The following DNMT3A variants were observed in gnomAD, a reference collection of about 807,000 sequenced individuals.
The protein encoded by DNMT3A is DNA (cytosine-5)-methyltransferase 3A.
In DNMT3A, 267 loss-of-function variants were observed where a neutral mutation model predicts 117.6. The observed-to-expected ratio is 2.27, with a 90% CI of 2.05 to 2.51. The LOEUF (loss-of-function observed/expected upper bound fraction) is 2.51, where lower values mean the gene tolerates loss of function less well. Ranked by LOEUF, DNMT3A falls within the 30% of genes most tolerant of loss-of-function variation. DNMT3A has a pLI of 0.00. For missense variants in DNMT3A, 1,029 were observed against 1,260.2 expected (o/e 0.82, Z 2.78); for synonymous variants, 432 against 474.8 (o/e 0.91, Z 1.17).
intron 4 of DNMT3A, among the ~76,000 whole-genome samples, chr2:25,279,711 G>C (rs2031740250): frequency 6.6e-6 from 1 of 151,462 alleles, no homozygotes; most frequent in Non-Finnish European, 1.5e-5. Flanking sequence ...TTTTGAGATG[G>C]AGTCTCACTC....
chr2:25,240,473 C>A, intron 18 of DNMT3A, 23 bp from the exon 19 acceptor site: 1 of 1,593,044 alleles, frequency 6.3e-7, no homozygotes, highest in Non-Finnish European at 8.5e-7. Context: ...AAGAGAAAGC[C>A]ATCAGCTGGG....
At chr2:25,341,168 G>A (rs1310882255) in intron 1 of DNMT3A, among the ~76,000 whole-genome samples, 1 of 144,614 alleles carries the variant, frequency 6.9e-6, no homozygotes, top group African/African-American at 2.5e-5. Context: ...GCCCCCGGGG[G>A]CCTCCCGGGT....
intron 1 of DNMT3A, among the ~76,000 whole-genome samples, chr2:25,329,676 CA>C (rs1558746473): frequency 0.13 from 4,330 of 33,306 alleles, 284 homozygotes; most frequent in African/African-American, 0.21. Flanking sequence ...GCAGACCCCA[CA>C]CACACACACA....
At chr2:25,328,589 C>T (rs190660043) in intron 1 of DNMT3A, 426 of 475,198 alleles carry the variant, frequency 9.0e-4, no homozygotes, top group African/African-American at 2.4e-3. Flanking sequence ...CCGTCCCCCC[C>T]GCCCACAGCT....
chr2:25,329,201 T>C (rs4517932), intron 1 of DNMT3A, among the ~76,000 whole-genome samples: 63,780 of 151,988 alleles, frequency 0.42, 13,626 homozygotes, highest in African/African-American at 0.44. Flanking sequence ...CCCAGGGTTC[T>C]GAGCAGCACA....
chr2:25,246,773 C>T lies in DNMT3A; in HGVS notation c.1126G>A (p.Ala376Thr), dbSNP rs1446942650. 1 of 1,613,142 alleles carries T rather than the reference C, an allele frequency of 6.2e-7. No individual in the cohort carries two copies. Among genetic ancestry groups the T allele is most frequent in the East Asian group, 2.2e-5 (1 of 44,884 alleles). ...AACAGCTTCCCCGCGCGGCTGCTGGCCACCTGGAGGGTGACACGCCAGGGT... is the reference window on the plus strand; with the variant it reads ...AACAGCTTCCCCGCGCGGCTGCTGGTCACCTGGAGGGTGACACGCCAGGGT... ...RKAIYEVLQV[A>T]SSRAGKLFPV... Residue 376 changes from alanine to threonine, a missense_variant, in exon 10 of 23, where the codon GCC (alanine) becomes ACC (threonine). Ala to Thr is a moderately conservative substitution (Grantham distance 58). Coordinates refer to ENST00000321117, the MANE Select transcript of DNMT3A (RefSeq NM_022552.5).
In DNMT3A at chr2:25,236,919, T is replaced by C. The variant is rs1673429375; in HGVS notation, c.2478+17A>G. On this transcript the variant is annotated intron_variant, in intron 21 of 22. Transcript: ENST00000321117. The surrounding 1 kb of genome is among the most constrained non-coding windows in gnomAD (Gnocchi z 4.5). ...TCTCCCTGCCCCCCAGCAGAGGTTC[T>C]AGACGCTGGAGCTGACCTTGGCTAT... 6.2e-7 allele frequency: 1 copy of C among 1,609,038 alleles called. No homozygotes were observed. Among genetic ancestry groups the C allele is most frequent in the Non-Finnish European group, 8.5e-7 (1 of 1,177,954 alleles).
intron 3 of DNMT3A, among the ~76,000 whole-genome samples, chr2:25,299,764 C>G (rs2033322652): frequency 6.6e-6 from 1 of 152,130 alleles, no homozygotes; most frequent in African/African-American, 2.4e-5. Context: ...AATCTCGCCT[C>G]TACTAAAAAT....
chr2:25,274,665 C>A (rs947556626), intron 6 of DNMT3A, among the ~76,000 whole-genome samples: 1 of 152,202 alleles, frequency 6.6e-6, no homozygotes, highest in Non-Finnish European at 1.5e-5. Context: ...CTATTTCAGC[C>A]CCTTGTTTCT....
At chr2:25,244,360 A>C (rs1011041025) in intron 14 of DNMT3A, 22 bp from the exon 15 acceptor site, 1 of 1,588,786 alleles carries the variant, frequency 6.3e-7, no homozygotes, top group Non-Finnish European at 8.6e-7. Context: ...CCCAGTGAGC[A>C]GAGGAGACTC....
intron 16 of DNMT3A, among the ~76,000 whole-genome samples, chr2:25,243,623 C>G (rs574909247): frequency 6.6e-6 from 1 of 152,242 alleles, no homozygotes; most frequent in Non-Finnish European, 1.5e-5. Flanking sequence ...GTGAATCTGA[C>G]TAATGATCAC....
At chr2:25,246,097 G>A (rs2149299011) in intron 11 of DNMT3A, 33 bp from the exon 12 acceptor site, 5 of 1,614,188 alleles carry the variant, frequency 3.1e-6, no homozygotes, top group Non-Finnish European at 4.2e-6. Flanking sequence ...GTCAGAGGAG[G>A]CCGCGCCTGC....
At chr2:25,300,717 ATAT>A (rs1346292579) in intron 2 of DNMT3A, among the ~76,000 whole-genome samples, 2 of 3,882 alleles carry the variant, frequency 5.2e-4, no homozygotes, top group Admixed American at 3.5e-3. Flanking sequence ...AATATAATAT[ATAT>A]ATATATATAT....
Position 25,282,764 on chromosome 2 carries a change from C to T in DNMT3A, c.178-53G>A. The T allele has an allele frequency of 6.7e-7, 1 of 1,490,908 alleles. No homozygotes were observed. Among genetic ancestry groups the T allele is most frequent in the Admixed American group, 2.5e-5 (1 of 40,608 alleles). The allele number at this position is 1,490,908 out of a possible 1,614,324, so 92.4% of individuals were successfully genotyped here. On this transcript the variant is annotated intron_variant, in intron 3 of 22. Transcript: ENST00000321117. This position sits in a 1 kb window ranked among gnomAD's most constrained non-coding sequence, Gnocchi z 5.2. ...GGAGGGTTAGATCAGTGGGCTTAGC[C>T]TGTTTTGGATCATTGACCGCTCTGA...
chr2:25,307,337 T>C (rs2033834974), intron 2 of DNMT3A, among the ~76,000 whole-genome samples: 1 of 151,718 alleles, frequency 6.6e-6, no homozygotes, highest in Admixed American at 6.6e-5. Flanking sequence ...CTATTCTTTT[T>C]CTTTTTTTTT....
chr2:25,270,309 T>C (rs941031070), intron 6 of DNMT3A, among the ~76,000 whole-genome samples: 2 of 152,196 alleles, frequency 1.3e-5, no homozygotes, highest in African/African-American at 4.8e-5. Flanking sequence ...CCAGGCAGCA[T>C]TCGTCTACGC....
chr2:25,264,454 T>TA (rs1257179928), intron 6 of DNMT3A, among the ~76,000 whole-genome samples: 2 of 150,686 alleles, frequency 1.3e-5, no homozygotes, highest in Admixed American at 6.6e-5. Context: ...GTTTTTTTTT[T>TA]AAAAAGAGTT....
intron 1 of DNMT3A, among the ~76,000 whole-genome samples, chr2:25,324,184 T>C (rs987912992): frequency 1.3e-5 from 2 of 152,214 alleles, no homozygotes; most frequent in African/African-American, 4.8e-5. Context: ...ATTCACTCAT[T>C]CATTCATGCA....
intron 4 of DNMT3A, among the ~76,000 whole-genome samples, chr2:25,280,784 G>A (rs941440955): frequency 6.6e-6 from 1 of 152,204 alleles, no homozygotes; most frequent in Admixed American, 6.5e-5. Context: ...AACACCTGTT[G>A]ACTGATCGAT....
Sources: allele counts gnomAD v4.1 joint callset (sites outside exome capture counted in the v4.1 genomes callset), GRCh38; gene constraint gnomAD v4.1.1; non-coding constraint Gnocchi (gnomAD v3.1); transcripts MANE v1.5; gene names NCBI Gene and HGNC (gene_info 2026-07-23, HGNC 2026-07-21).